Variants in SVEP1 observed in about 807,000 individuals in gnomAD.
The protein encoded by SVEP1 is sushi, von Willebrand factor type A, EGF and pentraxin domain-containing protein 1.
Under a neutral mutation model 367.3 loss-of-function variants are expected in SVEP1, and 164 were observed. The observed-to-expected ratio is 0.45, with a 90% confidence interval of 0.39 to 0.51. SVEP1 has a LOEUF of 0.51. Ranked by LOEUF, SVEP1 falls within the 20% of genes least tolerant of loss-of-function variation. The pLI is 0.00. For synonymous variants in SVEP1, 1,666 were observed against 1,611.6 expected, an observed-to-expected ratio of 1.03 and a Z score of -0.81; for missense variants, 4,117 against 4,425.3, an observed-to-expected ratio of 0.93 and a Z score of 1.98.
intron 18 of SVEP1, among the ~76,000 whole-genome samples, chr9:110,460,432 T>G (rs1482445131): frequency 6.6e-6 from 1 of 152,240 alleles, no homozygotes; most frequent in Non-Finnish European, 1.5e-5. Context: ...TCTGTGTCCT[T>G]ACTGATTGCC....
intron 39 of SVEP1, 136 bp downstream of exon 39, chr9:110,404,191 A>C (rs964968145): frequency 1.2e-6 from 1 of 819,514 alleles, no homozygotes; most frequent in African/African-American, 1.7e-5. Context: ...TTCTACCAAG[A>C]AACTTTTCAA....
chr9:110,389,480 T>G, intron 41 of SVEP1, 44 bp downstream of exon 41: 1 of 1,600,300 alleles, frequency 6.2e-7, no homozygotes. Context: ...TTATTTTGTG[T>G]CCTCAGTGTC....
chr9:110,432,793 C>G (rs970474889), intron 30 of SVEP1, among the ~76,000 whole-genome samples, 158 bp from the exon 31 acceptor site: 1 of 152,218 alleles, frequency 6.6e-6, no homozygotes, highest in Non-Finnish European at 1.5e-5. Flanking sequence ...CCTGAACCCT[C>G]AGCGTCTAGC....
chr9:110,577,830 A>C (rs1429898887), intron 1 of SVEP1, among the ~76,000 whole-genome samples: 1 of 152,178 alleles, frequency 6.6e-6, no homozygotes, highest in Non-Finnish European at 1.5e-5. Context: ...CAGAGGAAAA[A>C]ATACAAATGT....
chr9:110,522,983 C>T (rs921303138), intron 3 of SVEP1, among the ~76,000 whole-genome samples: 8 of 152,146 alleles, frequency 5.3e-5, no homozygotes, highest in South Asian at 2.1e-4. Context: ...GCCACAGGTG[C>T]CAAATTAAAT....
In SVEP1 at chr9:110,499,056, C is replaced by T; in HGVS notation, c.1666G>A (p.Ala556Thr). 2 of 1,613,380 alleles carry T rather than the reference C, an allele frequency of 1.2e-6. No individual in the cohort carries two copies. The highest frequency in any genetic ancestry group is 2.2e-5 in the East Asian group (1 of 44,872). The change falls in exon 7 of 48, where the codon GCA becomes ACA. Residue 556 changes from alanine to threonine, a missense_variant. This residue lies in a region of SVEP1 where 2,174 missense variants were observed against 2,494.3 expected (regional missense o/e 0.87). Transcript: ENST00000374469. Reference sequence around the variant, plus strand: ...AGAGACCTACCTTTACACACAGCTGCCTGAACTCCGACATTCCATTTTCCA... The same window carrying T: ...AGAGACCTACCTTTACACACAGCTGTCTGAACTCCGACATTCCATTTTCCA... ...TSGKWNVGVQ[A>T]AVCKDVEAPQ...
intron 40 of SVEP1, among the ~76,000 whole-genome samples, chr9:110,398,677 G>A (rs1472294172): frequency 6.6e-6 from 1 of 152,174 alleles, no homozygotes; most frequent in African/African-American, 2.4e-5. Context: ...CAAAAAGTGG[G>A]AGAAGGATAT....
intron 1 of SVEP1, among the ~76,000 whole-genome samples, chr9:110,570,344 A>G (rs1830540401): frequency 1.3e-5 from 2 of 152,170 alleles, no homozygotes; most frequent in African/African-American, 4.8e-5. Context: ...CTAAAGTATT[A>G]ATTTTATTTT....
chr9:110,382,729 T>G (rs1289530439), intron 43 of SVEP1, among the ~76,000 whole-genome samples: 5 of 152,254 alleles, frequency 3.3e-5, no homozygotes, highest in Admixed American at 3.3e-4. Context: ...TCTTTTTACA[T>G]AATTTCATAG....
At chr9:110,394,394 G>T (rs983015933) in intron 40 of SVEP1, among the ~76,000 whole-genome samples, 2 of 152,202 alleles carry the variant, frequency 1.3e-5, no homozygotes, top group African/African-American at 4.8e-5. Context: ...TAACCACAAA[G>T]ATGGGAAAAA....
intron 3 of SVEP1, among the ~76,000 whole-genome samples, chr9:110,515,329 C>A (rs1829785840): frequency 7.3e-6 from 1 of 137,558 alleles, no homozygotes; most frequent in Admixed American, 7.7e-5. Context: ...GAGACGGAGT[C>A]TCGCTCTGTC....
In SVEP1 at chr9:110,386,025, A is replaced by C; in HGVS notation, c.10110T>G (p.Ser3370=). Residue 3370 remains serine, a synonymous_variant, in exon 43 of 48, where the codon TCT becomes TCG. Coordinates refer to ENST00000374469, the MANE Select transcript of SVEP1 (RefSeq NM_153366.4). ...PFVIPENALL[S]EKEFYVDQNV... is the part of the protein sequence containing the mutation. ...TCTGATCAACATAAAACTCCTTTTC[A>C]GACAGCAGAGCATTCTCGGGAATCA... The C allele has an allele frequency of 6.2e-7, 1 of 1,613,884 alleles. No homozygotes were observed. Among genetic ancestry groups the C allele is most frequent in the Non-Finnish European group, 8.5e-7 (1 of 1,179,832 alleles).
intron 43 of SVEP1, among the ~76,000 whole-genome samples, chr9:110,381,943 G>A (rs1405210608): frequency 1.3e-5 from 2 of 152,080 alleles, no homozygotes; most frequent in Admixed American, 6.6e-5. Flanking sequence ...ATTATGAAAT[G>A]CCCTTGTCTT....
At chr9:110,463,853 C>T (rs1828897627) in intron 18 of SVEP1, among the ~76,000 whole-genome samples, 1 of 152,064 alleles carries the variant, frequency 6.6e-6, no homozygotes, top group South Asian at 2.1e-4. Flanking sequence ...TCCAGCACCG[C>T]AGAAGAATGT....
intron 27 of SVEP1, among the ~76,000 whole-genome samples, chr9:110,438,807 T>C (rs1293092133): frequency 6.6e-6 from 1 of 152,188 alleles, no homozygotes; most frequent in African/African-American, 2.4e-5. Flanking sequence ...CAGCGCTCTA[T>C]ACACAGGTTT....
intron 3 of SVEP1, among the ~76,000 whole-genome samples, chr9:110,528,156 G>GTGTGTGTGTGTGTGTGTATATATATA: frequency 2.9e-5 from 1 of 33,940 alleles, no homozygotes; most frequent in Non-Finnish European, 5.7e-5. Context: ...GTGTGTGTGT[G>GTGTGTGTGTGTGTGTGTATATATATA]TATATATATA....
chr9:110,380,563 GC>G (rs1406190699), intron 43 of SVEP1, among the ~76,000 whole-genome samples: 4 of 152,180 alleles, frequency 2.6e-5, no homozygotes, highest in African/African-American at 7.2e-5. Context: ...TGATGGATAA[GC>G]TTTTTGATGT....
rs139552070 is a variant in SVEP1 at position 110,492,185 on chromosome 9, C to T, written c.1801-2406G>A. 8.2e-3 allele frequency among the ~76,000 whole-genome samples: 1,246 copies of T among 152,144 alleles called. 11 individuals carry two copies. Among genetic ancestry groups the T allele is most frequent in the Non-Finnish European group, 0.013 (876 of 67,984 alleles). Reference sequence around the variant, plus strand: ...ATGAGATGAATCACAACAAATCCCTCATAAGAGAGAAAAGTCATGGTGTGA... The same window carrying T: ...ATGAGATGAATCACAACAAATCCCTTATAAGAGAGAAAAGTCATGGTGTGA... On this transcript the variant is annotated intron_variant, in intron 8 of 47. Transcript: ENST00000374469.
intron 3 of SVEP1, among the ~76,000 whole-genome samples, chr9:110,531,142 T>C (rs1034445948): frequency 2.0e-5 from 3 of 152,172 alleles, no homozygotes; most frequent in African/African-American, 7.2e-5. Context: ...GAATATTAAA[T>C]TGTAGAATAG....
Sources: allele counts gnomAD v4.1 joint callset (sites outside exome capture counted in the v4.1 genomes callset), GRCh38; gene constraint gnomAD v4.1.1; regional missense constraint gnomAD v4.1.1; transcripts MANE v1.5; gene names NCBI Gene and HGNC (gene_info 2026-07-23, HGNC 2026-07-21).